The following PHTF2 variants were observed in gnomAD, a reference collection of about 807,000 sequenced individuals.
The protein encoded by PHTF2 is protein PHTF2.
Under a neutral mutation model 101.2 loss-of-function variants are expected in PHTF2, and 60 were observed. The observed-to-expected ratio is 0.59, with a 90% CI of 0.48 to 0.73. PHTF2 has a LOEUF of 0.73. PHTF2 is among the 30% of genes least tolerant of loss of function. The pLI, the probability that PHTF2 is intolerant of heterozygous loss-of-function variation, is 0.00. For missense variants in PHTF2, 747 were observed against 908.7 expected, an observed-to-expected ratio of 0.82 and a Z score of 2.29; for synonymous variants, 311 against 307.3, an observed-to-expected ratio of 1.01 and a Z score of -0.13.
chr7:77,889,505 CA>C (rs972803140), intron 3 of PHTF2, among the ~76,000 whole-genome samples: 1 of 149,786 alleles, frequency 6.7e-6, no homozygotes, highest in Admixed American at 6.6e-5. Context: ...AGCGTCCTCA[CA>C]AAAAAACTAC....
intron 1 of PHTF2, among the ~76,000 whole-genome samples, chr7:77,806,811 TA>T (rs1232867089): frequency 2.0e-5 from 3 of 152,192 alleles, no homozygotes; most frequent in African/African-American, 7.2e-5. Context: ...TTTTTTCTTG[TA>T]GTTTTGTTTG....
intron 3 of PHTF2, among the ~76,000 whole-genome samples, chr7:77,874,760 A>C (rs964594079): frequency 6.6e-6 from 1 of 152,236 alleles, no homozygotes; most frequent in African/African-American, 2.4e-5. Flanking sequence ...TGTATCCTTC[A>C]ATCCAGTCAA....
chr7:77,885,178 C>T (rs1799729995), intron 3 of PHTF2, among the ~76,000 whole-genome samples: 1 of 152,180 alleles, frequency 6.6e-6, no homozygotes, highest in East Asian at 1.9e-4. Flanking sequence ...ACCGTAGCCT[C>T]GAACTCCTGG....
At chr7:77,875,568 A>T (rs369543652) in intron 3 of PHTF2, among the ~76,000 whole-genome samples, 34 of 150,754 alleles carry the variant, frequency 2.3e-4, no homozygotes, top group African/African-American at 6.1e-4. Flanking sequence ...TATTATTATT[A>T]TTTTTTTGAC....
chr7:77,913,825 T>C (rs1487437204), intron 9 of PHTF2, among the ~76,000 whole-genome samples: 2 of 152,288 alleles, frequency 1.3e-5, no homozygotes, highest in East Asian at 3.9e-4. Flanking sequence ...ATCTTAAAGG[T>C]AGATCAGTCA....
chr7:77,924,093 C>G (rs1325558273), intron 11 of PHTF2: 17 of 963,714 alleles, frequency 1.8e-5, no homozygotes, highest in Non-Finnish European at 2.1e-5. Flanking sequence ...ATTCAGTTCT[C>G]AAAAATTTTT....
chr7:77,836,965 TA>T (rs1027402949), intron 1 of PHTF2, among the ~76,000 whole-genome samples: 1 of 79,466 alleles, frequency 1.3e-5, no homozygotes, highest in Non-Finnish European at 2.6e-5. Context: ...TAAAGTATAA[TA>T]AAAAAAGCAA....
intron 11 of PHTF2, chr7:77,924,217 A>C: frequency 1.4e-6 from 1 of 691,506 alleles, no homozygotes; most frequent in South Asian, 6.5e-5. Context: ...TTTATTTATA[A>C]ATTTAAATTT....
chr7:77,949,793 G>A (rs1806380777), exon 17 of PHTF2: 5 of 1,542,934 alleles, frequency 3.2e-6, no homozygotes, highest in Non-Finnish European at 4.4e-6. Context: ...TCAGAAACAA[G>A]TAAAAAATAT....
intron 1 of PHTF2, among the ~76,000 whole-genome samples, chr7:77,817,855 A>C (rs1793972083): frequency 6.6e-6 from 1 of 152,112 alleles, no homozygotes; most frequent in South Asian, 2.1e-4. Flanking sequence ...CATGCCTGTA[A>C]TCCCAGCACT....
chr7:77,866,484 C>T lies in PHTF2; in HGVS notation c.147+11650C>T, dbSNP rs562121411. Among the ~76,000 whole-genome samples the T allele has an allele frequency of 4.6e-5, 7 of 152,118 alleles. No individual in the cohort carries two copies. In the South Asian group the frequency reaches 1.5e-3, roughly 32 times the overall value. ...TTGAACATACTTAGGAAAATACTGG[C>T]CTGTGGTTAACAAGTTACGTAAAAG... On this transcript the variant is annotated intron_variant, in intron 3 of 19. Transcript: ENST00000416283.
chr7:77,923,831 C>G (rs1425646405), intron 11 of PHTF2: 1 of 985,050 alleles, frequency 1.0e-6, no homozygotes, highest in East Asian at 1.1e-4. Context: ...ACTCCATGAT[C>G]TTGGCTTTTG....
chr7:77,913,989 C>T (rs1289524618), intron 9 of PHTF2, among the ~76,000 whole-genome samples: 1 of 150,402 alleles, frequency 6.6e-6, no homozygotes, highest in Admixed American at 6.7e-5. Flanking sequence ...TCACTTGAAC[C>T]TGGGTGGCAG....
At chr7:77,942,654 A>G in intron 15 of PHTF2, 46 bp from the exon 15 acceptor site, 1 of 1,046,236 alleles carries the variant, frequency 9.6e-7, no homozygotes, top group Non-Finnish European at 1.4e-6. Flanking sequence ...ATTAGTAAAT[A>G]TATTTTAAAA....
rs960158717 is a variant in PHTF2 at position 77,891,148 on chromosome 7, A to G, written c.148-2460A>G. ...TGTCTCAAACTCCTGGGCTCAAGCA[A>G]TTTGCCTGCCTTGGCCTCCCAAAGT... On this transcript the variant is annotated intron_variant, in intron 3 of 19. Coordinates refer to ENST00000416283, the Ensembl canonical transcript of PHTF2. Among the ~76,000 whole-genome samples, 7 of 151,668 alleles carry G rather than the reference A, an allele frequency of 4.6e-5. No homozygotes were observed. In the East Asian group the frequency reaches 9.7e-4, roughly 21 times the overall value.
At chr7:77,953,683 T>C in intron 18 of PHTF2, 86 bp from the exon 18 acceptor site, 1 of 1,200,578 alleles carries the variant, frequency 8.3e-7, no homozygotes, top group Non-Finnish European at 1.1e-6. Flanking sequence ...TTTGAAAGTG[T>C]TTTTTAATTC....
chr7:77,938,763 C>A (rs563102982), intron 13 of PHTF2, among the ~76,000 whole-genome samples: 1 of 151,980 alleles, frequency 6.6e-6, no homozygotes, highest in Admixed American at 6.6e-5. Flanking sequence ...GGCGACAGAG[C>A]GAGACTCCGT....
chr7:77,910,051 C>T, intron 8 of PHTF2, 194 bp from the exon 8 acceptor site: 1 of 497,030 alleles, frequency 2.0e-6, no homozygotes, highest in Non-Finnish European at 3.6e-6. Context: ...GGACCAATAC[C>T]TTAACATTTC....
chr7:77,859,546 T>G (rs570326475), intron 3 of PHTF2, among the ~76,000 whole-genome samples: 1 of 149,072 alleles, frequency 6.7e-6, no homozygotes, highest in Non-Finnish European at 1.5e-5. Flanking sequence ...AAGTGAGAAT[T>G]TCTTTTCTTT....
Sources: gnomAD v4.1 joint callset for allele counts (sites outside exome capture counted in the v4.1 genomes callset) on GRCh38, gnomAD v4.1.1 for gene constraint, MANE v1.5 for transcripts, NCBI Gene and HGNC (gene_info 2026-07-23, HGNC 2026-07-21) for gene names.